TENM2: variants seen among roughly 807,000 people sequenced by gnomAD.
The protein encoded by TENM2 is teneurin-2.
Under a neutral mutation model 245.2 loss-of-function variants are expected in TENM2, and 52 were observed. That is an observed-to-expected ratio of 0.21 (90% CI 0.17 to 0.27). The LOEUF (loss-of-function observed/expected upper bound fraction) is 0.27, where lower values mean the gene tolerates loss of function less well. Among genes scored for constraint, TENM2 ranks in the 10% least tolerant of loss-of-function variants. TENM2 has a pLI of 1.00. For missense variants in TENM2, 3,046 were observed against 3,666.8 expected, an observed-to-expected ratio of 0.83 and a Z score of 4.37; for synonymous variants, 1,363 against 1,438.9, an observed-to-expected ratio of 0.95 and a Z score of 1.19.
intron 2 of TENM2, among the ~76,000 whole-genome samples, chr5:167,750,674 A>G (rs1395193902): frequency 2.6e-5 from 4 of 152,112 alleles, no homozygotes; most frequent in African/African-American, 9.7e-5. Context: ...TAACCAAAGG[A>G]ACCAGTCTGC....
At chr5:168,172,817 G>C (rs1355258564) in intron 13 of TENM2, among the ~76,000 whole-genome samples, 1 of 152,204 alleles carries the variant, frequency 6.6e-6, no homozygotes. Context: ...TAAATAGCAA[G>C]GTGTTAGCAA....
At chr5:167,924,197 T>G (rs574948780) in intron 3 of TENM2, among the ~76,000 whole-genome samples, 1 of 152,314 alleles carries the variant, frequency 6.6e-6, no homozygotes, top group African/African-American at 2.4e-5. Context: ...TGCATATTCC[T>G]TACAGGTGAG....
chr5:167,414,220 C>T (rs774452976), intron 2 of TENM2, among the ~76,000 whole-genome samples: 3 of 151,970 alleles, frequency 2.0e-5, no homozygotes, highest in African/African-American at 4.8e-5. Flanking sequence ...TGTAAGTTTT[C>T]TGATAAAGGC....
chr5:168,022,886 C>T (rs937075189), intron 5 of TENM2, among the ~76,000 whole-genome samples: 1 of 152,114 alleles, frequency 6.6e-6, no homozygotes, highest in Non-Finnish European at 1.5e-5. Flanking sequence ...CCATTCTGCC[C>T]CGCTCGAAGC....
intron 1 of TENM2, among the ~76,000 whole-genome samples, chr5:167,298,853 CAA>C (rs1163838377): frequency 6.6e-5 from 10 of 152,154 alleles, no homozygotes; most frequent in African/African-American, 2.4e-4. Flanking sequence ...GCAGTGTAAA[CAA>C]GAGCAGGGCA....
intron 27 of TENM2, among the ~76,000 whole-genome samples, chr5:168,250,883 G>A (rs982605963): frequency 3.9e-5 from 6 of 152,198 alleles, no homozygotes; most frequent in African/African-American, 9.6e-5. Flanking sequence ...ATTAATATTA[G>A]GTAATGATAC....
At chr5:167,915,835 C>T (rs1389462887) in intron 3 of TENM2, among the ~76,000 whole-genome samples, 2 of 152,154 alleles carry the variant, frequency 1.3e-5, no homozygotes, top group African/African-American at 4.8e-5. Context: ...AGGGTAATTA[C>T]TCTTCCAAAA....
intron 2 of TENM2, among the ~76,000 whole-genome samples, chr5:167,600,421 A>G (rs113164818): frequency 0.033 from 4,979 of 152,196 alleles, 276 homozygotes; most frequent in African/African-American, 0.11. Flanking sequence ...TTCTAAATAA[A>G]ATCTATGCTA....
At chr5:167,114,225 A>G in the TENM2 span, among the ~76,000 whole-genome samples, 1 of 152,210 alleles carries the variant, frequency 6.6e-6, no homozygotes, top group African/African-American at 2.4e-5. Context: ...TAGTATATAT[A>G]TAGTATTGAA....
At position 167,542,906 on chromosome 5, in the gene TENM2, A is replaced by G. The variant is rs78040232; in HGVS notation, c.502+167433A>G. On this transcript the variant is annotated intron_variant, in intron 2 of 28. Coordinates refer to ENST00000518659, the Ensembl canonical transcript of TENM2. The stretch of plus-strand genomic sequence containing the variant: ...TTAGGAGCTTGTGAGTCAACTGAGC[A>G]ATTCTTCTGCTGGACTCCCCTGGGA... 5.7e-3 allele frequency among the ~76,000 whole-genome samples: 867 copies of G among 152,254 alleles called. 30 individuals carry two copies. In the East Asian group the frequency reaches 0.085, roughly 15 times the overall value.
At chr5:167,460,882 T>C (rs573039838) in intron 2 of TENM2, among the ~76,000 whole-genome samples, 2 of 152,322 alleles carry the variant, frequency 1.3e-5, no homozygotes, top group South Asian at 4.1e-4. Context: ...ATTGTATGAT[T>C]GGTGCAACTC....
At chr5:168,226,261 A>G (rs766170566) in exon 24 of TENM2, 1 of 1,612,518 alleles carries the variant, frequency 6.2e-7, no homozygotes, top group South Asian at 1.1e-5. Context: ...ACAGTGGTAC[A>G]AGGTGAGCCT....
At chr5:167,663,139 G>GA (rs1561649871) in intron 2 of TENM2, among the ~76,000 whole-genome samples, 3 of 119,442 alleles carry the variant, frequency 2.5e-5, no homozygotes, top group Non-Finnish European at 3.5e-5. Flanking sequence ...GAATGGGGAT[G>GA]GGGAGAGAGA....
In TENM2 at chr5:167,509,559, A is replaced by G. The variant is rs147799062; in HGVS notation, c.502+134086A>G. ...TTATATTTCTTACCTCAGTTGTGAT[A>G]TTTTTATTTGTACCAATGACACACT... On this transcript the variant is annotated intron_variant, in intron 2 of 28. Transcript: ENST00000518659. Among the ~76,000 whole-genome samples, 7 of 152,226 alleles carry G rather than the reference A, an allele frequency of 4.6e-5. No individual in the cohort carries two copies. In the East Asian group the frequency reaches 5.8e-4, roughly 13 times the overall value.
chr5:167,689,486 C>T (rs368010193), intron 2 of TENM2, among the ~76,000 whole-genome samples: 20 of 152,206 alleles, frequency 1.3e-4, no homozygotes, highest in African/African-American at 4.3e-4. Flanking sequence ...GCCAGAGATC[C>T]GAGGAGTGCA....
intron 2 of TENM2, among the ~76,000 whole-genome samples, chr5:167,476,683 C>T (rs1206779060): frequency 1.3e-5 from 2 of 152,176 alleles, no homozygotes; most frequent in African/African-American, 4.8e-5. Flanking sequence ...ACTGCAACCT[C>T]TGCTGCCTGG....
chr5:167,866,242 T>C (rs1023493494), intron 2 of TENM2, among the ~76,000 whole-genome samples: 6 of 152,250 alleles, frequency 3.9e-5, no homozygotes, highest in African/African-American at 1.4e-4. Flanking sequence ...CTCACGCCTG[T>C]AATCCCAGGA....
At chr5:167,850,620 T>C (rs866936201) in intron 2 of TENM2, among the ~76,000 whole-genome samples, 2 of 152,244 alleles carry the variant, frequency 1.3e-5, no homozygotes, top group South Asian at 4.1e-4. Flanking sequence ...GCCCAGCTTC[T>C]GAGAGTAAGC....
At chr5:167,192,288 C>G in the TENM2 span, among the ~76,000 whole-genome samples, 1 of 151,938 alleles carries the variant, frequency 6.6e-6, no homozygotes, top group Non-Finnish European at 1.5e-5. Flanking sequence ...TGTGTGTATT[C>G]TTGTGTCTCG....
Sources: gnomAD v4.1 joint callset for allele counts (sites outside exome capture counted in the v4.1 genomes callset) on GRCh38, gnomAD v4.1.1 for gene constraint, MANE v1.5 for transcripts, NCBI Gene and HGNC (gene_info 2026-07-23, HGNC 2026-07-21) for gene names.